Variants in ZBTB7C observed in about 807,000 individuals in gnomAD.
The protein encoded by ZBTB7C is zinc finger and BTB domain containing 7C.
Under a neutral mutation model 25.7 loss-of-function variants are expected in ZBTB7C, and 8 were observed. The observed-to-expected ratio is 0.31, with a 90% CI of 0.18 to 0.56. The LOEUF is 0.56. Ranked by LOEUF, ZBTB7C falls within the 20% of genes least tolerant of loss-of-function variation. ZBTB7C has a pLI of 0.91. For synonymous variants in ZBTB7C, 394 were observed against 369.0 expected (o/e 1.07, Z -0.78); for missense variants, 824 against 855.2 (o/e 0.96, Z 0.46).
chr18:48,171,389 T>C (rs961186323), intron 3 of ZBTB7C, among the ~76,000 whole-genome samples: 1 of 152,144 alleles, frequency 6.6e-6, no homozygotes, highest in Non-Finnish European at 1.5e-5. Context: ...TGAATTCCTC[T>C]CTCCTTCCAG....
chr18:48,142,224 T>C (rs112667469), intron 3 of ZBTB7C, among the ~76,000 whole-genome samples: 3 of 152,370 alleles, frequency 2.0e-5, no homozygotes, highest in African/African-American at 7.2e-5. Flanking sequence ...AATGGAGTCC[T>C]TTGGGCTTAC....
intron 2 of ZBTB7C, among the ~76,000 whole-genome samples, chr18:48,311,703 T>C (rs878976463): frequency 1.3e-5 from 2 of 152,172 alleles, no homozygotes; most frequent in Admixed American, 6.5e-5. Context: ...ACCTGACACC[T>C]TGAAGGGAAG....
chr18:48,284,877 C>T (rs2044993975), intron 2 of ZBTB7C, among the ~76,000 whole-genome samples: 1 of 152,072 alleles, frequency 6.6e-6, no homozygotes, highest in South Asian at 2.1e-4. Flanking sequence ...AGTTATCTCA[C>T]CCTCTCCTGA....
At chr18:48,043,620 G>C (rs1485084718) in intron 3 of ZBTB7C, among the ~76,000 whole-genome samples, 1 of 152,158 alleles carries the variant, frequency 6.6e-6, no homozygotes, top group African/African-American at 2.4e-5. Context: ...GGCTATAAAA[G>C]GGCAACAGGA....
intron 2 of ZBTB7C, among the ~76,000 whole-genome samples, chr18:48,271,156 G>C (rs1295565894): frequency 2.6e-5 from 4 of 152,130 alleles, no homozygotes; most frequent in Non-Finnish European, 5.9e-5. Flanking sequence ...AGCAAGCTTT[G>C]CCAAAACTTT....
chr18:48,332,185 C>T (rs1158385629), intron 2 of ZBTB7C, among the ~76,000 whole-genome samples: 1 of 152,200 alleles, frequency 6.6e-6, no homozygotes, highest in African/African-American at 2.4e-5. Flanking sequence ...TAACAATTCC[C>T]TCTTCCCCAT....
At chr18:48,324,544 T>C (rs1334471198) in intron 2 of ZBTB7C, among the ~76,000 whole-genome samples, 1 of 151,764 alleles carries the variant, frequency 6.6e-6, no homozygotes, top group Non-Finnish European at 1.5e-5. Flanking sequence ...CCCTAATCCC[T>C]AGGGTGATGG....
chr18:48,187,820 CAAAAAAAAAA>C (rs919402026), intron 2 of ZBTB7C, among the ~76,000 whole-genome samples: 1 of 73,376 alleles, frequency 1.4e-5, no homozygotes, highest in Admixed American at 1.9e-4. Flanking sequence ...GACCCCGTCT[CAAAAAAAAAA>C]AAAAAAAAAA....
At chr18:48,164,649 C>T (rs1169180198) in intron 3 of ZBTB7C, among the ~76,000 whole-genome samples, 2 of 151,906 alleles carry the variant, frequency 1.3e-5, no homozygotes, top group African/African-American at 4.8e-5. Flanking sequence ...TTTTTTGCAT[C>T]TCTAAGTAAA....
intron 3 of ZBTB7C, among the ~76,000 whole-genome samples, chr18:48,061,609 T>C (rs1287415551): frequency 6.6e-6 from 1 of 152,202 alleles, no homozygotes; most frequent in Admixed American, 6.5e-5. Flanking sequence ...TTGGAATCGA[T>C]TCAACACAAA....
At chr18:48,358,010 T>C (rs558183267) in intron 1 of ZBTB7C, among the ~76,000 whole-genome samples, 2 of 152,316 alleles carry the variant, frequency 1.3e-5, no homozygotes, top group African/African-American at 4.8e-5. Flanking sequence ...CCCTTGGTGA[T>C]AAGTGAGTTA....
intron 3 of ZBTB7C, among the ~76,000 whole-genome samples, chr18:48,141,886 T>C (rs561844925): frequency 6.6e-6 from 1 of 152,344 alleles, no homozygotes; most frequent in East Asian, 1.9e-4. Flanking sequence ...GTTTGCATAT[T>C]AGCACCTGTG....
intron 3 of ZBTB7C, among the ~76,000 whole-genome samples, chr18:48,055,131 C>G (rs1170034154): frequency 1.3e-5 from 2 of 151,996 alleles, no homozygotes; most frequent in Non-Finnish European, 2.9e-5. Flanking sequence ...TGGGGCTGGG[C>G]ATGGTGGCTC....
chr18:48,278,859 C>T (rs2044746957), intron 2 of ZBTB7C, among the ~76,000 whole-genome samples: 1 of 152,162 alleles, frequency 6.6e-6, no homozygotes, highest in African/African-American at 2.4e-5. Flanking sequence ...TCAACCAGCT[C>T]CTCACAGGCT....
At chr18:48,102,964 T>C (rs535669520) in intron 3 of ZBTB7C, among the ~76,000 whole-genome samples, 64 of 151,516 alleles carry the variant, frequency 4.2e-4, no homozygotes, top group African/African-American at 1.5e-3. Flanking sequence ...ATTCAACTGA[T>C]GACATTTATA....
intron 3 of ZBTB7C, among the ~76,000 whole-genome samples, chr18:48,106,046 T>G (rs186486822): frequency 2.9e-3 from 442 of 152,324 alleles, no homozygotes; most frequent in Middle Eastern, 0.014. Context: ...TGGGAAACAT[T>G]TCACTAAATG....
In ZBTB7C at chr18:48,029,502, C is replaced by A; in HGVS notation, c.1618G>T (p.Gly540Cys). The A allele has an allele frequency of 6.3e-7, 1 of 1,590,914 alleles. No homozygotes were observed. The change falls in exon 5 of 5, where the codon GGC becomes TGC. Residue 540 changes from glycine (G) to cysteine (C), a missense_variant. This residue lies in a region of ZBTB7C where 342 missense variants were observed against 307.0 expected (regional missense o/e 1.11). Coordinates refer to ENST00000590800, the MANE Select transcript of ZBTB7C (RefSeq NM_001318841.2). ...PAKHFLAAPK[G>C]ALSLQELERQ... is the part of the protein sequence containing the mutation. ...TCCAGCTCTTGCAGGCTCAGGGCGC[C>A]CTTGGGCGCTGCCAGGAAGTGCTTG... is the stretch of plus-strand genomic sequence containing the variant.
chr18:48,390,648 G>A (rs1380063404), intron 1 of ZBTB7C, among the ~76,000 whole-genome samples: 3 of 152,158 alleles, frequency 2.0e-5, no homozygotes, highest in African/African-American at 7.2e-5. Flanking sequence ...CTGACCAGGG[G>A]CTTCACTTCT....
At chr18:48,235,471 T>G (rs919411448) in intron 2 of ZBTB7C, among the ~76,000 whole-genome samples, 8 of 150,906 alleles carry the variant, frequency 5.3e-5, no homozygotes, top group African/African-American at 2.0e-4. Context: ...TTTAGATGTA[T>G]CTCATTTTTT....
Sources: allele counts gnomAD v4.1 joint callset (sites outside exome capture counted in the v4.1 genomes callset), GRCh38; gene constraint gnomAD v4.1.1; regional missense constraint gnomAD v4.1.1; transcripts MANE v1.5; gene names NCBI Gene and HGNC (gene_info 2026-07-23, HGNC 2026-07-21).